PDE1C: variants seen among roughly 807,000 people sequenced by gnomAD.
The protein encoded by PDE1C is dual specificity calcium/calmodulin-dependent 3',5'-cyclic nucleotide phosphodiesterase 1C.
PDE1C carries 62 observed loss-of-function variants against 93.1 expected under a neutral mutation model. The ratio of observed to expected loss-of-function variants is 0.67; its 90% CI spans 0.54 to 0.82. The LOEUF (loss-of-function observed/expected upper bound fraction) is 0.82, where lower values mean the gene tolerates loss of function less well. Ranked by LOEUF, PDE1C falls within the 40% of genes least tolerant of loss-of-function variation. PDE1C has a pLI of 0.00. For synonymous variants in PDE1C, 325 were observed against 310.1 expected (o/e 1.05, Z -0.50); for missense variants, 742 against 884.6 (o/e 0.84, Z 2.04).
At chr7:32,206,033 T>G (rs1805460798) in intron 2 of PDE1C, among the ~76,000 whole-genome samples, 1 of 152,172 alleles carries the variant, frequency 6.6e-6, no homozygotes, top group South Asian at 2.1e-4. Context: ...GACGCAGTAC[T>G]GTTCTAGGAT....
chr7:31,855,558 C>A (rs955592469), intron 7 of PDE1C, among the ~76,000 whole-genome samples: 1 of 151,804 alleles, frequency 6.6e-6, no homozygotes, highest in African/African-American at 2.4e-5. Flanking sequence ...CCAATAACAA[C>A]CCCAATAAAA....
chr7:31,661,749 G>A, the PDE1C span, among the ~76,000 whole-genome samples: 1 of 151,994 alleles, frequency 6.6e-6, no homozygotes, highest in Non-Finnish European at 1.5e-5. Context: ...GAATATTGTT[G>A]TTTCTGTTCA....
chr7:32,137,475 G>C (rs1300740877), intron 3 of PDE1C, among the ~76,000 whole-genome samples: 1 of 152,150 alleles, frequency 6.6e-6, no homozygotes, highest in East Asian at 1.9e-4. Flanking sequence ...CTGGGAAAAA[G>C]CTGATTAGCA....
the PDE1C span, among the ~76,000 whole-genome samples, chr7:31,675,281 T>C: frequency 6.6e-6 from 1 of 152,322 alleles, no homozygotes; most frequent in East Asian, 1.9e-4. Context: ...CTTGGCCTTT[T>C]GATTACCTTC....
intron 3 of PDE1C, among the ~76,000 whole-genome samples, chr7:32,082,550 C>T (rs7807931): frequency 0.62 from 94,027 of 150,990 alleles, 29,558 homozygotes; most frequent in African/African-American, 0.71. Context: ...ACTGCCTCCT[C>T]AAGTGGGTCC....
chr7:32,412,705 G>A (rs545999243), intron 1 of PDE1C, among the ~76,000 whole-genome samples: 318 of 818 alleles, frequency 0.39, 4 homozygotes, highest in African/African-American at 0.48. Flanking sequence ...ATCATTGCCC[G>A]AAATTCGTTA....
intron 2 of PDE1C, among the ~76,000 whole-genome samples, chr7:32,040,279 C>T (rs141934277): frequency 6.6e-6 from 1 of 152,292 alleles, no homozygotes; most frequent in East Asian, 1.9e-4. Context: ...GTATGTTATT[C>T]TCTTTTTAAA....
chr7:32,169,769 T>A (rs770071763), intron 3 of PDE1C: 4 of 1,609,758 alleles, frequency 2.5e-6, no homozygotes, highest in Non-Finnish European at 3.4e-6. Flanking sequence ...ACACATTGAG[T>A]TGCAATCCAC....
intron 16 of PDE1C, among the ~76,000 whole-genome samples, chr7:31,777,609 G>A (rs567313031): frequency 1.3e-5 from 2 of 152,166 alleles, no homozygotes; most frequent in African/African-American, 4.8e-5. Flanking sequence ...TTACAGACAT[G>A]AGCCACCGCA....
intron 1 of PDE1C, among the ~76,000 whole-genome samples, chr7:32,251,419 C>T (rs1488912141): frequency 6.6e-6 from 1 of 152,222 alleles, no homozygotes; most frequent in African/African-American, 2.4e-5. Flanking sequence ...GCACCTTCGT[C>T]ATCCTTCACT....
chr7:31,861,369 A>G (rs920401349), intron 7 of PDE1C, among the ~76,000 whole-genome samples: 4 of 151,750 alleles, frequency 2.6e-5, no homozygotes, highest in African/African-American at 9.7e-5. Flanking sequence ...AGATAATCTC[A>G]TCTAGTTCCA....
Position 32,394,621 on chromosome 7 carries a change from A to T in PDE1C, c.310+33201T>A, listed in dbSNP as rs574668090. Among the ~76,000 whole-genome samples the T allele has an allele frequency of 2.0e-5, 3 of 152,340 alleles. No homozygotes were observed. In the East Asian group the frequency reaches 5.8e-4, roughly 29 times the overall value. On this transcript the variant is annotated intron_variant, in intron 1 of 1. Transcript: ENST00000672256. Reference sequence around the variant, plus strand: ...CCAGGAGTTCAAGACCAGCCTGGACAACATGGTGAAATCCCAACTCTACAA... The same window carrying T: ...CCAGGAGTTCAAGACCAGCCTGGACTACATGGTGAAATCCCAACTCTACAA...
intron 2 of PDE1C, among the ~76,000 whole-genome samples, chr7:31,959,583 C>T (rs1252669791): frequency 6.6e-6 from 1 of 152,104 alleles, no homozygotes; most frequent in Admixed American, 6.6e-5. Flanking sequence ...GAAATTAATA[C>T]TAAGACTATG....
intron 2 of PDE1C, among the ~76,000 whole-genome samples, chr7:32,182,395 C>T (rs1803507473): frequency 6.6e-6 from 1 of 152,156 alleles, no homozygotes; most frequent in African/African-American, 2.4e-5. Flanking sequence ...ATGCAAAAAT[C>T]CTCAATAAAA....
the PDE1C span, among the ~76,000 whole-genome samples, chr7:31,639,543 T>TTTG: frequency 7.9e-5 from 4 of 50,512 alleles, no homozygotes; most frequent in South Asian, 6.4e-4. Flanking sequence ...TTTTTGTTTT[T>TTTG]TTTTTTTTTT....
intron 2 of PDE1C, among the ~76,000 whole-genome samples, chr7:31,968,488 T>C (rs569228813): frequency 0.039 from 5,898 of 152,152 alleles, 399 homozygotes; most frequent in African/African-American, 0.14. Context: ...GAACATTCCA[T>C]GCTCATGGGT....
intron 2 of PDE1C, among the ~76,000 whole-genome samples, chr7:31,882,356 G>T (rs1410440729): frequency 6.6e-6 from 1 of 152,162 alleles, no homozygotes; most frequent in Non-Finnish European, 1.5e-5. Flanking sequence ...AGTTGGCAGG[G>T]AAGGGCATGC....
At chr7:31,950,884 T>C (rs138242060) in intron 2 of PDE1C, among the ~76,000 whole-genome samples, 1,613 of 152,300 alleles carry the variant, frequency 0.011, 15 homozygotes, top group Non-Finnish European at 0.019. Flanking sequence ...ACGATATGTT[T>C]GTCTGCTGGG....
intron 1 of PDE1C, among the ~76,000 whole-genome samples, chr7:32,328,020 A>T (rs944044534): frequency 6.6e-6 from 1 of 152,118 alleles, no homozygotes; most frequent in East Asian, 1.9e-4. Context: ...TTTCCTTCAC[A>T]TCTCTTGGTG....
Sources: gnomAD v4.1 joint callset for allele counts (sites outside exome capture counted in the v4.1 genomes callset) on GRCh38, gnomAD v4.1.1 for gene constraint, MANE v1.5 for transcripts, NCBI Gene and HGNC (gene_info 2026-07-23, HGNC 2026-07-21) for gene names.